AKAP7: variants seen among roughly 807,000 people sequenced by gnomAD.
The protein encoded by AKAP7 is A-kinase anchoring protein 7, also known as A kinase (PRKA) anchor protein 7.
A neutral mutation model predicts 39.5 loss-of-function variants in AKAP7; 39 were observed. That is an observed-to-expected ratio of 0.99 (90% CI 0.76 to 1.29). The LOEUF is 1.29. Among genes scored for constraint, AKAP7 ranks in the 50% most tolerant of loss-of-function variants. AKAP7 has a pLI of 0.00. For missense variants in AKAP7, 414 were observed against 407.7 expected (o/e 1.02, Z -0.13); for synonymous variants, 140 against 139.1 (o/e 1.01, Z -0.05).
intron 7 of AKAP7, among the ~76,000 whole-genome samples, chr6:131,247,306 TATATA>T (rs1812100743): frequency 9.2e-6 from 1 of 108,148 alleles, no homozygotes; most frequent in African/African-American, 3.6e-5. Flanking sequence ...TATATATATA[TATATA>T]TATGTTTTTT....
chr6:131,252,395 G>T (rs1248712161), intron 7 of AKAP7, among the ~76,000 whole-genome samples: 1 of 152,064 alleles, frequency 6.6e-6, no homozygotes, highest in Non-Finnish European at 1.5e-5. Flanking sequence ...TCCATTTTCT[G>T]CCCATCATTC....
intron 7 of AKAP7, among the ~76,000 whole-genome samples, chr6:131,245,546 A>G (rs969485815): frequency 1.3e-5 from 2 of 151,996 alleles, no homozygotes; most frequent in African/African-American, 2.4e-5. Flanking sequence ...GCCCAGAATA[A>G]TTGTTTGTCT....
chr6:131,270,337 G>T (rs889376318), intron 7 of AKAP7, among the ~76,000 whole-genome samples: 1 of 152,064 alleles, frequency 6.6e-6, no homozygotes, highest in Non-Finnish European at 1.5e-5. Context: ...GTAACCCTTT[G>T]AATCTAGTTT....
At chr6:131,221,911 G>C (rs1356262177) in intron 7 of AKAP7, among the ~76,000 whole-genome samples, 1 of 152,186 alleles carries the variant, frequency 6.6e-6, no homozygotes, top group Non-Finnish European at 1.5e-5. Context: ...TTTCATGCTT[G>C]CTAACACAGT....
intron 6 of AKAP7, among the ~76,000 whole-genome samples, chr6:131,204,148 C>A (rs1339882565): frequency 6.6e-6 from 1 of 152,036 alleles, no homozygotes; most frequent in African/African-American, 2.4e-5. Context: ...TGTTAAAAAT[C>A]TCATTTTCTT....
chr6:131,171,638 A>G (rs1337856862), intron 5 of AKAP7, among the ~76,000 whole-genome samples: 1 of 152,160 alleles, frequency 6.6e-6, no homozygotes, highest in Non-Finnish European at 1.5e-5. Context: ...AGCAGCATGT[A>G]ATGGGGTTGC....
chr6:131,130,404 T>A, the AKAP7 span, among the ~76,000 whole-genome samples: 1 of 152,190 alleles, frequency 6.6e-6, no homozygotes, highest in East Asian at 1.9e-4. Context: ...TTCGAGCGAT[T>A]CTCTGCTCCA....
Position 131,135,516 on chromosome 6 carries a change from G to GCTGCCGCCGCCGCTGCTGCC in AKAP7, c.-248_-247insCTGCCGCCGCCGCTGCTGCC, listed in dbSNP as rs1800452668. 2.5e-5 allele frequency: 4 copies of GCTGCCGCCGCCGCTGCTGCC among 162,076 alleles called. No individual in the cohort carries two copies. The highest frequency in any genetic ancestry group is 1.9e-4 in the South Asian group (1 of 5,390). The allele number at this position is 162,076 out of a possible 1,614,324, so 10.0% of individuals were successfully genotyped here. ...GGCATGCGGGTGCTGCGGCTGCTGC[G>GCTGCCGCCGCCGCTGCTGCC]GCTGCCGCCGCCGCTGCTGCCGCTG... is the stretch of plus-strand genomic sequence containing the variant. On this transcript the variant is annotated 5_prime_UTR_variant, in exon 1 of 8. Coordinates refer to ENST00000431975, the MANE Select transcript of AKAP7 (RefSeq NM_016377.4).
chr6:131,279,629 T>C (rs917396370), intron 7 of AKAP7, among the ~76,000 whole-genome samples: 5 of 152,184 alleles, frequency 3.3e-5, no homozygotes, highest in African/African-American at 1.2e-4. Context: ...CACTGTGGAC[T>C]AGTAGAAATC....
chr6:131,215,683 A>G (rs1809109091), intron 6 of AKAP7, among the ~76,000 whole-genome samples: 1 of 152,272 alleles, frequency 6.6e-6, no homozygotes, highest in Non-Finnish European at 1.5e-5. Flanking sequence ...ATGTTTTCAT[A>G]ACTTTGAATT....
intron 7 of AKAP7, among the ~76,000 whole-genome samples, chr6:131,254,175 G>T (rs977857269): frequency 2.6e-5 from 4 of 152,148 alleles, no homozygotes; most frequent in African/African-American, 9.7e-5. Flanking sequence ...ATAAATTCAT[G>T]TTTCTTGGAA....
chr6:131,255,993 A>G (rs1387497869), intron 7 of AKAP7, among the ~76,000 whole-genome samples: 1 of 152,240 alleles, frequency 6.6e-6, no homozygotes, highest in Non-Finnish European at 1.5e-5. Flanking sequence ...GTTAGAAAAT[A>G]GATGCTCCCT....
At chr6:131,230,665 A>G (rs1248937366) in intron 7 of AKAP7, among the ~76,000 whole-genome samples, 2 of 152,178 alleles carry the variant, frequency 1.3e-5, no homozygotes, top group Non-Finnish European at 2.9e-5. Flanking sequence ...GCCAAGGCCA[A>G]TGTTGAGAAG....
intron 7 of AKAP7, among the ~76,000 whole-genome samples, chr6:131,259,032 C>T (rs1474312473): frequency 6.6e-6 from 1 of 152,144 alleles, no homozygotes; most frequent in African/African-American, 2.4e-5. Flanking sequence ...TCACTCTAAA[C>T]GACCTGGCTC....
intron 7 of AKAP7, among the ~76,000 whole-genome samples, chr6:131,245,055 G>A (rs1811886499): frequency 6.6e-6 from 1 of 152,112 alleles, no homozygotes; most frequent in Admixed American, 6.6e-5. Flanking sequence ...TCTTTTTGCA[G>A]GTAATTAAGA....
chr6:131,240,103 G>A (rs986232377), intron 7 of AKAP7, among the ~76,000 whole-genome samples: 12 of 152,316 alleles, frequency 7.9e-5, no homozygotes, highest in African/African-American at 2.9e-4. Context: ...TGTCCTTTCT[G>A]TTTGTTAGTT....
In AKAP7 at chr6:131,241,579, G is replaced by GTA. The variant is rs1260771520; in HGVS notation, c.850+21772_850+21773insAT. ...GGTCCAGGACATAGATTATATATAT[G>GTA]TGTGTGTGTGTGTGTGTGTGTGTGT... On this transcript the variant is annotated intron_variant, in intron 7 of 7. Coordinates refer to ENST00000431975, the MANE Select transcript of AKAP7 (RefSeq NM_016377.4). Among the ~76,000 whole-genome samples the GTA allele has an allele frequency of 1.4e-3, 90 of 64,688 alleles. 1 individual carries two copies. Among genetic ancestry groups the GTA allele is most frequent in the Middle Eastern group, 0.013 (2 of 158 alleles). The allele number at this position is 64,688 out of a possible 152,430, so 42.4% of individuals were successfully genotyped here.
intron 2 of AKAP7, among the ~76,000 whole-genome samples, chr6:131,159,466 A>T (rs1326852667): frequency 6.6e-6 from 1 of 152,254 alleles, no homozygotes; most frequent in African/African-American, 2.4e-5. Flanking sequence ...TAAAAATGAA[A>T]TTATTAGAAA....
intron 5 of AKAP7, among the ~76,000 whole-genome samples, chr6:131,188,315 TTAATAG>T (rs957533457): frequency 3.3e-5 from 5 of 152,352 alleles, no homozygotes; most frequent in Admixed American, 1.3e-4. Context: ...GCTTTAAATG[TTAATAG>T]TAATATTATA....
Sources: allele counts gnomAD v4.1 joint callset (sites outside exome capture counted in the v4.1 genomes callset), GRCh38; gene constraint gnomAD v4.1.1; transcripts MANE v1.5; gene names NCBI Gene and HGNC (gene_info 2026-07-23, HGNC 2026-07-21).